Variants in LRP1B observed in about 807,000 individuals in gnomAD.
The protein encoded by LRP1B is LDL receptor related protein 1B.
A neutral mutation model predicts 556.6 loss-of-function variants in LRP1B; 217 were observed. That is an observed-to-expected ratio of 0.39 (90% CI 0.35 to 0.44). The LOEUF is 0.44. Ranked by LOEUF, LRP1B falls within the 20% of genes least tolerant of loss-of-function variation. LRP1B has a pLI of 1.00. For synonymous variants in LRP1B, 2,047 were observed against 1,865.8 expected (o/e 1.10, Z -2.50); for missense variants, 5,053 against 5,620.8 (o/e 0.90, Z 3.23).
Position 140,487,616 on chromosome 2 carries a change from C to T in LRP1B, c.9243+1G>A, listed in dbSNP as rs2105366560. ...ATCCCATCATTGTAATATTTAGTTACCTTAATGTCACTTCCATTTAAACAC... is the reference window on the plus strand; with the variant it reads ...ATCCCATCATTGTAATATTTAGTTATCTTAATGTCACTTCCATTTAAACAC... On this transcript the variant is annotated splice_donor_variant, in intron 58 of 90. Coordinates refer to ENST00000389484, the MANE Select transcript of LRP1B (RefSeq NM_018557.3). LOFTEE classifies it high-confidence loss of function. 6.2e-7 allele frequency: 1 copy of T among 1,606,972 alleles called. No individual in the cohort carries two copies. The highest frequency in any genetic ancestry group is 8.5e-7 in the Non-Finnish European group (1 of 1,175,530).
intron 1 of LRP1B, among the ~76,000 whole-genome samples, chr2:142,068,115 C>A (rs1705175259): frequency 6.6e-6 from 1 of 151,436 alleles, no homozygotes. Flanking sequence ...AAACATTCTG[C>A]TTCTAGTCCT....
intron 15 of LRP1B, among the ~76,000 whole-genome samples, chr2:141,000,577 C>A (rs1260777337): frequency 6.6e-6 from 1 of 151,928 alleles, no homozygotes; most frequent in Non-Finnish European, 1.5e-5. Context: ...TCAGTGTATA[C>A]CCCAGTGAGC....
At chr2:142,114,700 G>C (rs1435646979) in intron 1 of LRP1B, among the ~76,000 whole-genome samples, 3 of 152,088 alleles carry the variant, frequency 2.0e-5, no homozygotes, top group African/African-American at 4.8e-5. Context: ...TTACTTATAT[G>C]TGGGAGTTCA....
At chr2:141,327,279 A>G (rs1190226179) in intron 3 of LRP1B, among the ~76,000 whole-genome samples, 1 of 152,212 alleles carries the variant, frequency 6.6e-6, no homozygotes, top group African/African-American at 2.4e-5. Flanking sequence ...CATGAAGTTG[A>G]GCAAAGTAAA....
At chr2:140,739,490 GGA>G (rs1310031378) in intron 35 of LRP1B, among the ~76,000 whole-genome samples, 1 of 152,076 alleles carries the variant, frequency 6.6e-6, no homozygotes, top group Non-Finnish European at 1.5e-5. Context: ...TACATAGAAA[GGA>G]GAGTTTCCAT....
At chr2:140,276,026 C>T (rs1682657391) in intron 84 of LRP1B, among the ~76,000 whole-genome samples, 1 of 151,674 alleles carries the variant, frequency 6.6e-6, no homozygotes, top group African/African-American at 2.4e-5. Flanking sequence ...TATAAATGAT[C>T]CTATGCAAAA....
At chr2:141,627,026 C>T (rs1346160940) in intron 2 of LRP1B, among the ~76,000 whole-genome samples, 1 of 152,132 alleles carries the variant, frequency 6.6e-6, no homozygotes, top group Non-Finnish European at 1.5e-5. Flanking sequence ...TTTACAACTG[C>T]CAAAATATAG....
chr2:142,007,222 A>G (rs1037473552), intron 1 of LRP1B, among the ~76,000 whole-genome samples: 15 of 152,202 alleles, frequency 9.9e-5, no homozygotes, highest in Admixed American at 6.5e-4. Context: ...GGGTTTTCAA[A>G]TATCGAATTT....
chr2:141,568,671 T>C (rs1342499576), intron 2 of LRP1B, among the ~76,000 whole-genome samples: 1 of 149,380 alleles, frequency 6.7e-6, no homozygotes, highest in Non-Finnish European at 1.5e-5. Context: ...TATACTTTTA[T>C]TAAGCAAAAC....
intron 43 of LRP1B, among the ~76,000 whole-genome samples, chr2:140,558,429 G>A (rs1191264004): frequency 6.6e-6 from 1 of 152,108 alleles, no homozygotes; most frequent in Non-Finnish European, 1.5e-5. Flanking sequence ...AGTAAGTGAA[G>A]TATGAATGCA....
At chr2:140,350,689 A>G (rs1397649608) in intron 77 of LRP1B, 108 bp downstream of exon 77, 1 of 901,652 alleles carries the variant, frequency 1.1e-6, no homozygotes, top group East Asian at 3.0e-5. Context: ...TGGGAGAATA[A>G]TTGAATATAT....
intron 7 of LRP1B, among the ~76,000 whole-genome samples, chr2:141,124,838 G>A (rs1385980980): frequency 6.6e-6 from 1 of 151,986 alleles, no homozygotes; most frequent in Non-Finnish European, 1.5e-5. Flanking sequence ...TTTTATTGAT[G>A]TATATGCATA....
Position 141,094,228 on chromosome 2 carries a change from C to G in LRP1B, c.1014-31955G>C, listed in dbSNP as rs563459468. 4.5e-4 allele frequency among the ~76,000 whole-genome samples: 69 copies of G among 152,154 alleles called. 1 individual carries two copies. The highest frequency in any genetic ancestry group is 3.3e-3 in the Admixed American group (51 of 15,272). On this transcript the variant is annotated intron_variant, in intron 7 of 90. Coordinates refer to ENST00000389484, the MANE Select transcript of LRP1B (RefSeq NM_018557.3). The stretch of plus-strand genomic sequence containing the variant: ...TTCTAAGTACTAAATATTCTTTAAA[C>G]AAGTTTTAAATTGACATTTTGTTTA...
chr2:141,944,973 T>A (rs1426834361), intron 1 of LRP1B, among the ~76,000 whole-genome samples: 1 of 152,200 alleles, frequency 6.6e-6, no homozygotes, highest in African/African-American at 2.4e-5. Flanking sequence ...TTTCTTATTT[T>A]CAGATTAATT....
At chr2:140,915,721 A>G (rs1489773176) in intron 21 of LRP1B, among the ~76,000 whole-genome samples, 7 of 151,796 alleles carry the variant, frequency 4.6e-5, no homozygotes, top group African/African-American at 1.7e-4. Context: ...CTGGACAAAA[A>G]GGAGAATTGT....
At chr2:141,748,399 T>A (rs1358454659) in intron 2 of LRP1B, among the ~76,000 whole-genome samples, 2 of 152,222 alleles carry the variant, frequency 1.3e-5, no homozygotes, top group Non-Finnish European at 2.9e-5. Context: ...ATATATTTTC[T>A]AGCACAAGTT....
At chr2:140,747,336 T>G (rs946809582) in intron 35 of LRP1B, among the ~76,000 whole-genome samples, 3 of 152,194 alleles carry the variant, frequency 2.0e-5, no homozygotes, top group African/African-American at 7.2e-5. Flanking sequence ...CCTTAGGTAC[T>G]TTGTTTCTAT....
At chr2:141,544,405 C>T (rs62169785) in intron 2 of LRP1B, among the ~76,000 whole-genome samples, 1,420 of 64,186 alleles carry the variant, frequency 0.022, 38 homozygotes, top group East Asian at 0.042. Flanking sequence ...TCCTCCTCCT[C>T]CTCCTCCTTC....
rs115862646 is a variant in LRP1B at position 140,401,977 on chromosome 2, C to A, written c.10415-15968G>T. On this transcript the variant is annotated intron_variant, in intron 66 of 90. Coordinates refer to ENST00000389484, the MANE Select transcript of LRP1B (RefSeq NM_018557.3). The stretch of plus-strand genomic sequence containing the variant: ...TCACAGAGTCTACATCAATCCCCTG[C>A]CACCCCTATCACAGCTTGTGCTGGT... Among the ~76,000 whole-genome samples, 296 of 152,300 alleles carry A rather than the reference C, an allele frequency of 1.9e-3. 2 individuals are homozygous for A. The highest frequency in any genetic ancestry group is 6.8e-3 in the African/African-American group (281 of 41,558).
Sources: gnomAD v4.1 joint callset for allele counts (sites outside exome capture counted in the v4.1 genomes callset) on GRCh38, gnomAD v4.1.1 for gene constraint, MANE v1.5 for transcripts, NCBI Gene and HGNC (gene_info 2026-07-23, HGNC 2026-07-21) for gene names.